The following LRFN5 variants were observed in gnomAD, a reference collection of about 807,000 sequenced individuals.
LRFN5 encodes the protein leucine-rich repeat and fibronectin type-III domain-containing protein 5.
In LRFN5, 24 loss-of-function variants were observed where a neutral mutation model predicts 45.6. That is an observed-to-expected ratio of 0.53 (90% confidence interval 0.38 to 0.74). LRFN5 has a LOEUF of 0.74. Among genes scored for constraint, LRFN5 ranks in the 30% least tolerant of loss-of-function variants. The pLI, the probability that LRFN5 is intolerant of heterozygous loss-of-function variation, is 0.00. For missense variants in LRFN5, 776 were observed against 861.5 expected (o/e 0.90, Z 1.24); for synonymous variants, 340 against 313.8 (o/e 1.08, Z -0.88).
At chr14:41,672,640 T>C (rs1881289222) in intron 1 of LRFN5, among the ~76,000 whole-genome samples, 1 of 152,200 alleles carries the variant, frequency 6.6e-6, no homozygotes, top group Non-Finnish European at 1.5e-5. Flanking sequence ...TAACCTTTAA[T>C]CTTTATCACT....
intron 1 of LRFN5, chr14:41,610,073 A>T (rs1431381733): frequency 1.3e-5 from 2 of 152,590 alleles, no homozygotes; most frequent in African/African-American, 4.8e-5. Flanking sequence ...CTGCCACTGC[A>T]GCTGGCAGGA....
At chr14:41,721,057 G>T (rs1309832446) in intron 1 of LRFN5, among the ~76,000 whole-genome samples, 3 of 152,024 alleles carry the variant, frequency 2.0e-5, no homozygotes, top group Non-Finnish European at 4.4e-5. Context: ...TATTAACCTG[G>T]GTGCTCCAGT....
chr14:41,811,398 C>A (rs1887730896), intron 2 of LRFN5, among the ~76,000 whole-genome samples: 1 of 151,954 alleles, frequency 6.6e-6, no homozygotes, highest in South Asian at 2.1e-4. Context: ...CTAGATATGA[C>A]CCAGCAATCC....
At chr14:41,866,587 T>C (rs565654232) in intron 2 of LRFN5, among the ~76,000 whole-genome samples, 5 of 152,140 alleles carry the variant, frequency 3.3e-5, no homozygotes, top group Admixed American at 6.6e-5. Flanking sequence ...TATTGCTTAG[T>C]TGCCTTTCCT....
chr14:41,658,073 A>C (rs1880462116), intron 1 of LRFN5, among the ~76,000 whole-genome samples: 1 of 152,042 alleles, frequency 6.6e-6, no homozygotes. Flanking sequence ...CATTTTTCTT[A>C]AATCTTATAG....
chr14:41,839,316 A>ATT (rs35085055), intron 2 of LRFN5, among the ~76,000 whole-genome samples: 21,782 of 150,676 alleles, frequency 0.14, 1,848 homozygotes, highest in Non-Finnish European at 0.19. Flanking sequence ...ATAAGAGTAG[A>ATT]TTTTTTTTAA....
chr14:41,891,893 C>A lies in LRFN5; in HGVS notation c.2029C>A (p.Gln677Lys). The A allele has an allele frequency of 6.2e-7, 1 of 1,614,140 alleles. No homozygotes were observed. Among genetic ancestry groups the A allele is most frequent in the South Asian group, 1.1e-5 (1 of 91,076 alleles). The change falls in exon 4 of 6, where the codon CAG becomes AAG. Residue 677 changes from glutamine to lysine, a missense_variant. Around this residue, in one of 2 missense-constraint regions of LRFN5, gnomAD observed 465 missense variants for 456.4 expected, o/e 1.02. Coordinates refer to ENST00000298119, the MANE Select transcript of LRFN5 (RefSeq NM_152447.5). Reference sequence around the variant, plus strand: ...TAACAGGAACAACTCAACTGCCTTGCAGTTAGCTAGCCGTCCTCCCGATTC... The same window carrying A: ...TAACAGGAACAACTCAACTGCCTTGAAGTTAGCTAGCCGTCCTCCCGATTC... ...NTNRNNSTAL[Q>K]LASRPPDSVT...
chr14:41,630,682 C>T (rs1469721553), intron 1 of LRFN5, among the ~76,000 whole-genome samples: 1 of 152,006 alleles, frequency 6.6e-6, no homozygotes. Context: ...AGATAATTTT[C>T]TTTTACTTTA....
chr14:41,686,401 G>A (rs1310163140), intron 1 of LRFN5, among the ~76,000 whole-genome samples: 1 of 151,944 alleles, frequency 6.6e-6, no homozygotes, highest in African/African-American at 2.4e-5. Flanking sequence ...ATAAAATATT[G>A]TAATCTGCAA....
intron 2 of LRFN5, among the ~76,000 whole-genome samples, chr14:41,808,333 G>T (rs1464635834): frequency 7.9e-6 from 1 of 125,970 alleles, no homozygotes; most frequent in African/African-American, 3.1e-5. Context: ...GAGGGAGGAA[G>T]GAAGGAAGGG....
chr14:41,768,941 A>G (rs1885983274), intron 2 of LRFN5, among the ~76,000 whole-genome samples: 1 of 152,176 alleles, frequency 6.6e-6, no homozygotes, highest in African/African-American at 2.4e-5. Context: ...TTATATGTTG[A>G]AAAAGACTCT....
intron 2 of LRFN5, among the ~76,000 whole-genome samples, chr14:41,876,387 TCTC>T (rs1305036835): frequency 6.8e-6 from 1 of 147,698 alleles, no homozygotes. Flanking sequence ...TTCACGCCCT[TCTC>T]CTGCCTCAGC....
intron 1 of LRFN5, among the ~76,000 whole-genome samples, chr14:41,727,908 A>G (rs897539080): frequency 6.6e-6 from 1 of 152,134 alleles, no homozygotes; most frequent in African/African-American, 2.4e-5. Context: ...GGGGTGGTAG[A>G]GGATTACTAA....
At chr14:41,778,241 G>A (rs751434867) in intron 2 of LRFN5, among the ~76,000 whole-genome samples, 3 of 151,498 alleles carry the variant, frequency 2.0e-5, no homozygotes, top group Non-Finnish European at 3.0e-5. Flanking sequence ...TGAGCAATTA[G>A]GCATGTGTTT....
chr14:41,868,935 A>C (rs1475741345), intron 2 of LRFN5, among the ~76,000 whole-genome samples: 4 of 152,166 alleles, frequency 2.6e-5, no homozygotes, highest in African/African-American at 9.7e-5. Flanking sequence ...ATCACTGGCA[A>C]ATAAACATAG....
intron 1 of LRFN5, among the ~76,000 whole-genome samples, chr14:41,702,054 C>A (rs777716180): frequency 4.6e-5 from 7 of 152,106 alleles, no homozygotes; most frequent in South Asian, 2.1e-4. Context: ...TTGCCCAGGA[C>A]TAAGCATAGG....
chr14:41,643,108 AATC>A (rs1879654026), intron 1 of LRFN5, among the ~76,000 whole-genome samples: 2 of 152,208 alleles, frequency 1.3e-5, no homozygotes, highest in African/African-American at 4.8e-5. Flanking sequence ...CATTTAGAAA[AATC>A]ATATATTTTT....
chr14:41,727,215 A>C (rs549826963), intron 1 of LRFN5, among the ~76,000 whole-genome samples: 7 of 152,200 alleles, frequency 4.6e-5, no homozygotes, highest in African/African-American at 1.7e-4. Context: ...AGTCATTTGT[A>C]TGTTAAAACA....
chr14:41,752,060 C>G (rs1194596850), intron 1 of LRFN5, among the ~76,000 whole-genome samples: 1 of 152,050 alleles, frequency 6.6e-6, no homozygotes, highest in Non-Finnish European at 1.5e-5. Context: ...TGATGGTTTC[C>G]AGCTTCATCC....
Sources: allele counts gnomAD v4.1 joint callset (sites outside exome capture counted in the v4.1 genomes callset), GRCh38; gene constraint gnomAD v4.1.1; regional missense constraint gnomAD v4.1.1; transcripts MANE v1.5; gene names NCBI Gene and HGNC (gene_info 2026-07-23, HGNC 2026-07-21).